Variants in ITGAE observed in about 807,000 individuals in gnomAD.
ITGAE encodes integrin alpha-E.
Under a neutral mutation model 136.5 loss-of-function variants are expected in ITGAE, and 99 were observed. The ratio of observed to expected loss-of-function variants is 0.73; its 90% CI spans 0.62 to 0.86. ITGAE has a LOEUF of 0.86. Ranked by LOEUF, ITGAE falls within the 40% of genes least tolerant of loss-of-function variation. The pLI is 0.00. For missense variants in ITGAE, 1,447 were observed against 1,515.3 expected (o/e 0.95, Z 0.75); for synonymous variants, 613 against 591.8 (o/e 1.04, Z -0.52).
intron 2 of ITGAE, among the ~76,000 whole-genome samples, chr17:3,765,204 C>T (rs536900091): frequency 5.3e-5 from 8 of 151,856 alleles, no homozygotes; most frequent in Non-Finnish European, 8.8e-5. Context: ...AAAAAATTAG[C>T]CGGGCGTGGT....
In ITGAE at chr17:3,799,983, G is replaced by A. The variant is rs559827281; in HGVS notation, c.34+1128C>T. Among the ~76,000 whole-genome samples the A allele has an allele frequency of 3.3e-5, 5 of 152,294 alleles. No homozygotes were observed. Among genetic ancestry groups the A allele is most frequent in the African/African-American group, 7.2e-5 (3 of 41,564 alleles). ...AAAATACAAAAATTAGCCAGGCGTG[G>A]TGGCAGGCGCCTGTAATCCCAGCTA... On this transcript the variant is annotated intron_variant, in intron 1 of 30. Coordinates refer to ENST00000263087, the MANE Select transcript of ITGAE (RefSeq NM_002208.5). This position sits in a 1 kb window ranked among gnomAD's most constrained non-coding sequence, Gnocchi z 4.1.
chr17:3,751,451 C>T (rs220482), intron 15 of ITGAE, among the ~76,000 whole-genome samples, 199 bp downstream of exon 15: 102,728 of 151,390 alleles, frequency 0.68, 35,903 homozygotes, highest in African/African-American at 0.75. Flanking sequence ...TGGAACCTCC[C>T]CCCAACCTGA....
intron 1 of ITGAE, among the ~76,000 whole-genome samples, chr17:3,795,932 TGTGTGTGCATCC>T (rs1450568294): frequency 9.5e-5 from 14 of 148,030 alleles, no homozygotes; most frequent in Admixed American, 3.4e-4. Flanking sequence ...TGTGCATCCG[TGTGTGTGCATCC>T]GTGTGTGCAT....
chr17:3,774,253 G>A (rs2052490592), intron 2 of ITGAE, among the ~76,000 whole-genome samples: 1 of 152,152 alleles, frequency 6.6e-6, no homozygotes, highest in African/African-American at 2.4e-5. Context: ...CTGACCAGGA[G>A]CAAAGCAATC....
At chr17:3,760,042 A>G in intron 7 of ITGAE, 130 bp downstream of exon 7, 3 of 647,628 alleles carry the variant, frequency 4.6e-6, no homozygotes, top group Non-Finnish European at 8.3e-6. Flanking sequence ...GATGGACAGA[A>G]GAATCATCCA....
At chr17:3,753,490 C>T in intron 13 of ITGAE, 60 bp from the exon 14 acceptor site, 2 of 1,576,820 alleles carry the variant, frequency 1.3e-6, no homozygotes, top group South Asian at 1.1e-5. Flanking sequence ...CTCAGCAAGG[C>T]TACACCCCTG....
intron 11 of ITGAE, 102 bp from the exon 12 acceptor site, chr17:3,755,363 C>T: frequency 7.4e-7 from 1 of 1,354,030 alleles, no homozygotes; most frequent in Non-Finnish European, 9.7e-7. Flanking sequence ...TGGCTGGGAG[C>T]AGGGGGGCGT....
At chr17:3,727,800 T>C (rs1310146561) in intron 26 of ITGAE, 119 bp downstream of exon 26, 9 of 704,750 alleles carry the variant, frequency 1.3e-5, no homozygotes, top group Admixed American at 2.3e-5. Context: ...AATTTACTCC[T>C]AATCTTTTCC....
At chr17:3,769,795 T>A (rs2052377723) in intron 2 of ITGAE, among the ~76,000 whole-genome samples, 1 of 152,038 alleles carries the variant, frequency 6.6e-6, no homozygotes, top group Admixed American at 6.6e-5. Context: ...GTGATTCTCC[T>A]GCCTTAGCCT....
chr17:3,777,105 C>G (rs552284291), intron 2 of ITGAE, among the ~76,000 whole-genome samples: 1 of 152,106 alleles, frequency 6.6e-6, no homozygotes, highest in Non-Finnish European at 1.5e-5. Flanking sequence ...GGACTACAGG[C>G]GCCCGCCTCC....
At chr17:3,721,154 C>T (rs745317380) in intron 28 of ITGAE, among the ~76,000 whole-genome samples, 8 of 151,978 alleles carry the variant, frequency 5.3e-5, no homozygotes, top group Middle Eastern at 3.4e-3. Context: ...GTCTCAAACT[C>T]CTGGGCTCAA....
intron 2 of ITGAE, among the ~76,000 whole-genome samples, chr17:3,769,510 C>T (rs549975648): frequency 2.6e-5 from 4 of 152,322 alleles, no homozygotes; most frequent in African/African-American, 7.2e-5. Context: ...CCCCCACTGC[C>T]GGGAGTTTGC....
intron 1 of ITGAE, among the ~76,000 whole-genome samples, chr17:3,800,572 C>T (rs116690878): frequency 5.3e-5 from 8 of 152,080 alleles, no homozygotes; most frequent in Non-Finnish European, 8.8e-5. Context: ...TGCCTCCCCC[C>T]ACCCCACATT....
chr17:3,757,456 G>A (rs220475), intron 9 of ITGAE, among the ~76,000 whole-genome samples: 103,320 of 151,938 alleles, frequency 0.68, 36,236 homozygotes, highest in African/African-American at 0.77. Context: ...GCTTGGCACC[G>A]CGGTCCTCCA....
chr17:3,741,070 A>T (rs866197461), intron 19 of ITGAE, among the ~76,000 whole-genome samples: 1,079 of 76,670 alleles, frequency 0.014, 21 homozygotes, highest in African/African-American at 0.044. Flanking sequence ...TTTTTGTTGT[A>T]TTTTTTTTTT....
chr17:3,748,186 A>T, intron 16 of ITGAE, 134 bp from the exon 17 acceptor site: 3 of 846,438 alleles, frequency 3.5e-6, no homozygotes, highest in Non-Finnish European at 5.2e-6. Context: ...GTCTCAGGGT[A>T]CAGTGGGGAA....
At chr17:3,768,723 C>T in intron 2 of ITGAE, among the ~76,000 whole-genome samples, 1 of 152,198 alleles carries the variant, frequency 6.6e-6, no homozygotes, top group East Asian at 1.9e-4. Context: ...TTCACATCAC[C>T]CTGTTTGATT....
At chr17:3,728,225 A>G in intron 24 of ITGAE, 57 bp from the exon 25 acceptor site, 1 of 1,321,072 alleles carries the variant, frequency 7.6e-7, no homozygotes, top group Non-Finnish European at 1.1e-6. Flanking sequence ...TTTTTTGGAG[A>G]CAGGGTCTCA....
At position 3,738,555 on chromosome 17, in the gene ITGAE, T is replaced by C. The variant is rs543779693; in HGVS notation, c.2522+1250A>G. ...CATTCTGGAATTCAGTGTGGTCCAATAGAACGTCTGCAGCGATGGAGACAG... is the reference window on the plus strand; with the variant it reads ...CATTCTGGAATTCAGTGTGGTCCAACAGAACGTCTGCAGCGATGGAGACAG... On this transcript the variant is annotated intron_variant, in intron 20 of 30. Transcript: ENST00000263087. Among the ~76,000 whole-genome samples the C allele has an allele frequency of 4.6e-5, 7 of 152,292 alleles. No individual in the cohort carries two copies. The South Asian group carries it at 1.0e-3, about 23-fold the overall frequency.
Sources: gnomAD v4.1 joint callset for allele counts (sites outside exome capture counted in the v4.1 genomes callset) on GRCh38, gnomAD v4.1.1 for gene constraint, Gnocchi (gnomAD v3.1) non-coding constraint, MANE v1.5 for transcripts, NCBI Gene and HGNC (gene_info 2026-07-23, HGNC 2026-07-21) for gene names.